The following TNRC6C variants were observed in gnomAD, a reference collection of about 807,000 sequenced individuals.
TNRC6C encodes the protein trinucleotide repeat containing adaptor 6C, also known as trinucleotide repeat-containing gene 6C protein.
TNRC6C carries 20 observed loss-of-function variants against 153.7 expected under a neutral mutation model. That is an observed-to-expected ratio of 0.13 (90% CI 0.09 to 0.19). The LOEUF is 0.19. Ranked by LOEUF, TNRC6C falls within the 10% of genes least tolerant of loss-of-function variation. The pLI is 1.00. For synonymous variants in TNRC6C, 811 were observed against 841.4 expected, an observed-to-expected ratio of 0.96 and a Z score of 0.63; for missense variants, 1,987 against 2,172.0, an observed-to-expected ratio of 0.91 and a Z score of 1.69.
rs1298650972 is a variant in TNRC6C at position 78,043,535 on chromosome 17, G to C, written c.-218-5310G>C. On this transcript the variant is annotated intron_variant, in intron 2 of 19. Coordinates refer to ENST00000301624, the Ensembl canonical transcript of TNRC6C. ...GTAATAATCACATCAGGATAAATGG[G>C]GTATCAGTCATCTCAAGTATTTATC... Among the ~76,000 whole-genome samples the C allele has an allele frequency of 2.0e-5, 3 of 151,808 alleles. No individual in the cohort carries two copies. In the East Asian group the frequency reaches 5.8e-4, roughly 29 times the overall value.
intron 3 of TNRC6C, among the ~76,000 whole-genome samples, chr17:78,058,645 A>G (rs1191424985): frequency 6.6e-6 from 1 of 152,218 alleles, no homozygotes; most frequent in African/African-American, 2.4e-5. Context: ...ATCATTACAT[A>G]TGCCAATCAG....
At chr17:78,037,168 C>G (rs1447213259) in intron 2 of TNRC6C, among the ~76,000 whole-genome samples, 1 of 152,198 alleles carries the variant, frequency 6.6e-6, no homozygotes, top group East Asian at 1.9e-4. Context: ...TGGCTTCACA[C>G]TTTTTCACTC....
At chr17:78,091,890 A>G (rs1321666871) in intron 14 of TNRC6C, among the ~76,000 whole-genome samples, 1 of 152,208 alleles carries the variant, frequency 6.6e-6, no homozygotes, top group Non-Finnish European at 1.5e-5. Flanking sequence ...TTATGTATCT[A>G]TATTCATCAA....
chr17:78,055,423 G>T (rs557535406), intron 3 of TNRC6C, among the ~76,000 whole-genome samples: 12 of 152,328 alleles, frequency 7.9e-5, no homozygotes, highest in African/African-American at 2.4e-4. Flanking sequence ...GCTAGACCTT[G>T]CTGTGACTGG....
At chr17:78,018,141 T>C (rs922397987) in intron 1 of TNRC6C, among the ~76,000 whole-genome samples, 2 of 152,202 alleles carry the variant, frequency 1.3e-5, no homozygotes. Flanking sequence ...TTTTTTGGTT[T>C]TTTTGAGATG....
At chr17:77,976,544 A>T (rs1235626353) in intron 1 of TNRC6C, among the ~76,000 whole-genome samples, 1 of 152,218 alleles carries the variant, frequency 6.6e-6, no homozygotes, top group Non-Finnish European at 1.5e-5. Context: ...GTGGTGTTGG[A>T]TTCTTCATCG....
At chr17:77,997,161 G>A (rs889606612) in intron 1 of TNRC6C, among the ~76,000 whole-genome samples, 9 of 152,198 alleles carry the variant, frequency 5.9e-5, no homozygotes, top group African/African-American at 9.7e-5. Flanking sequence ...TTCAGGCTGC[G>A]GTAACTCCAT....
At chr17:78,105,085 T>A (rs898402575) in exon 20 of TNRC6C, 1 of 421,644 alleles carries the variant, frequency 2.4e-6, no homozygotes, top group Non-Finnish European at 4.1e-6. Flanking sequence ...TTGTGCGTCT[T>A]ATGTTTGTAT....
At chr17:78,102,714 C>T in intron 18 of TNRC6C, 170 bp downstream of exon 21, 2 of 605,396 alleles carry the variant, frequency 3.3e-6, no homozygotes, top group South Asian at 4.4e-5. Context: ...TTGGCTCCAG[C>T]AGCGGCAGCA....
chr17:78,103,053 CA>C (rs1487822532), intron 18 of TNRC6C, among the ~76,000 whole-genome samples: 1 of 152,194 alleles, frequency 6.6e-6, no homozygotes, highest in African/African-American at 2.4e-5. Context: ...GGACCCAGGC[CA>C]CACCCACCTG....
intron 3 of TNRC6C, among the ~76,000 whole-genome samples, chr17:78,054,016 T>C (rs2072593358): frequency 6.6e-6 from 1 of 152,224 alleles, no homozygotes; most frequent in South Asian, 2.1e-4. Context: ...CTAGATGGCA[T>C]AGCCTCCTGC....
Position 78,104,531 on chromosome 17 carries a change from G to A in TNRC6C, c.4759G>A (p.Glu1587Lys), listed in dbSNP as rs2073654736. The stretch of plus-strand genomic sequence containing the variant: ...CATCCTGGCCGAGTTCGCTGGTGAA[G>A]AAGAAGTGAATCGCTTCTTAGCCCA... Residue 1587 changes from glutamate (E) to lysine (K), a missense_variant, in exon 20 of 20, where the codon GAA becomes AAA. Physicochemically the swap from Glu to Lys is moderately conservative, Grantham distance 56. Coordinates refer to ENST00000301624, the Ensembl canonical transcript of TNRC6C. This position sits in a 1 kb window ranked among gnomAD's most constrained non-coding sequence, Gnocchi z 6.2. 6.5e-7 allele frequency: 1 copy of A among 1,537,916 alleles called. No individual in the cohort carries two copies. Among genetic ancestry groups the A allele is most frequent in the African/African-American group, 1.4e-5 (1 of 71,708 alleles).
At position 78,046,228 on chromosome 17, in the gene TNRC6C, C is replaced by G. The variant is rs149676375; in HGVS notation, c.-218-2617C>G. 5.3e-3 allele frequency among the ~76,000 whole-genome samples: 803 copies of G among 150,900 alleles called. 9 individuals carry two copies. Among genetic ancestry groups the G allele is most frequent in the African/African-American group, 0.019 (770 of 40,982 alleles). ...ATGGAGTCTCACTGTGTTGCCCAGG[C>G]TGGAGTGCAGTGGCACAGTCTCGGC... On this transcript the variant is annotated intron_variant, in intron 2 of 19. Transcript: ENST00000301624.
chr17:77,977,891 C>CTT (rs528315933), intron 1 of TNRC6C, among the ~76,000 whole-genome samples: 3,159 of 114,050 alleles, frequency 0.028, 72 homozygotes, highest in African/African-American at 0.053. Context: ...TTTAAAACCT[C>CTT]TTTTTTTTTT....
intron 16 of TNRC6C, among the ~76,000 whole-genome samples, 171 bp downstream of exon 18, chr17:78,093,934 A>G (rs2073437141): frequency 6.6e-6 from 1 of 151,894 alleles, no homozygotes; most frequent in Non-Finnish European, 1.5e-5. Flanking sequence ...GTGCTTATGG[A>G]GAAATGGAAA....
chr17:78,050,181 T>C, exon 3 of TNRC6C: 1 of 1,557,428 alleles, frequency 6.4e-7, no homozygotes, highest in Non-Finnish European at 8.7e-7. Flanking sequence ...GCCAGAACCC[T>C]ACCGTACAGC....
rs148383822 is a variant in TNRC6C at position 78,104,453 on chromosome 17, C to A, written c.4713-32C>A. 30 of 1,465,540 alleles carry A rather than the reference C, an allele frequency of 2.0e-5. No individual in the cohort carries two copies. The African/African-American group carries it at 4.1e-4, about 20-fold the overall frequency. 90.8% of individuals were successfully genotyped at this position (1,465,540 alleles called of 1,614,324 possible). On this transcript the variant is annotated intron_variant, in intron 19 of 19. Transcript: ENST00000301624. This position sits in a 1 kb window ranked among gnomAD's most constrained non-coding sequence, Gnocchi z 6.2. ...ACGAACTCAGCAGGACTTGGGGTGG[C>A]CCTGTTCACGTGCCCCATCTTGCTG... is the stretch of plus-strand genomic sequence containing the variant.
At chr17:78,012,601 C>T (rs150371427) in intron 1 of TNRC6C, among the ~76,000 whole-genome samples, 168 of 152,302 alleles carry the variant, frequency 1.1e-3, no homozygotes, top group Middle Eastern at 6.8e-3. Context: ...ATAAAATGTT[C>T]TGGGCATTGT....
In TNRC6C at chr17:78,075,775, A is replaced by C. The variant is rs1241168243; in HGVS notation, c.3060+497A>C. Reference sequence around the variant, plus strand: ...TGTTTAGCCAGTCCGGTCACAGCTCAGCCCCCAGTGTTGTCATGTAATGAT... The same window carrying C: ...TGTTTAGCCAGTCCGGTCACAGCTCCGCCCCCAGTGTTGTCATGTAATGAT... On this transcript the variant is annotated intron_variant, in intron 8 of 19. Transcript: ENST00000301624. The surrounding 1 kb of genome is among the most constrained non-coding windows in gnomAD (Gnocchi z 4.2). Among the ~76,000 whole-genome samples the C allele has an allele frequency of 6.6e-6, 1 of 152,210 alleles. No individual in the cohort carries two copies. The highest frequency in any genetic ancestry group is 1.5e-5 in the Non-Finnish European group (1 of 68,032).
Sources: gnomAD v4.1 joint callset for allele counts (sites outside exome capture counted in the v4.1 genomes callset) on GRCh38, gnomAD v4.1.1 for gene constraint, Gnocchi (gnomAD v3.1) non-coding constraint, MANE v1.5 for transcripts, NCBI Gene and HGNC (gene_info 2026-07-23, HGNC 2026-07-21) for gene names.